Variants in KCNJ6 observed in about 807,000 individuals in gnomAD.
KCNJ6 encodes potassium inwardly rectifying channel subfamily J member 6.
KCNJ6 carries 9 observed loss-of-function variants against 34.2 expected under a neutral mutation model. That is an observed-to-expected ratio of 0.26 (90% confidence interval 0.16 to 0.46). The LOEUF (loss-of-function observed/expected upper bound fraction) is 0.46. Ranked by LOEUF, KCNJ6 falls within the 20% of genes least tolerant of loss-of-function variation. The pLI, the probability that KCNJ6 is intolerant of heterozygous loss-of-function variation, is 1.00. For missense variants in KCNJ6, 236 were observed against 531.3 expected (o/e 0.44, Z 5.46); for synonymous variants, 196 against 207.1 (o/e 0.95, Z 0.46).
intron 1 of KCNJ6, among the ~76,000 whole-genome samples, chr21:37,858,375 A>G (rs1461850523): frequency 1.4e-5 from 2 of 140,766 alleles, no homozygotes; most frequent in Admixed American, 1.5e-4. Context: ...CCTGGGCGAC[A>G]GAGCAAGACT....
chr21:37,795,490 A>G (rs1044785995), intron 2 of KCNJ6, among the ~76,000 whole-genome samples: 1 of 152,170 alleles, frequency 6.6e-6, no homozygotes, highest in Non-Finnish European at 1.5e-5. Flanking sequence ...CATGGCTGCA[A>G]TCCTAACACT....
At chr21:37,683,958 G>A (rs2054601700) in intron 3 of KCNJ6, among the ~76,000 whole-genome samples, 1 of 152,320 alleles carries the variant, frequency 6.6e-6, no homozygotes, top group Admixed American at 6.5e-5. Context: ...ACCACGTTTG[G>A]TGAGCCTGCC....
At chr21:37,749,314 C>T (rs2054982966) in intron 2 of KCNJ6, among the ~76,000 whole-genome samples, 1 of 152,120 alleles carries the variant, frequency 6.6e-6, no homozygotes, top group South Asian at 2.1e-4. Flanking sequence ...AGCAACTGTG[C>T]TTGGGACATA....
rs760713254 is a variant in KCNJ6, at chr21:37,714,346, G to A, written c.811C>T (p.Leu271=). The A allele has an allele frequency of 9.9e-6, 16 of 1,614,166 alleles. No individual in the cohort carries two copies. The South Asian group carries it at 1.6e-4, about 17-fold the overall frequency. The change falls in exon 3 of 4, where the codon CTG becomes TTG. Residue 271 remains leucine, a synonymous_variant. Transcript: ENST00000609713. The surrounding 1 kb of genome is among the most constrained non-coding windows in gnomAD (Gnocchi z 5.9). ...ATGATCAGCGGTGACACCAGAAACA[G>A]ACGGTCATCCCCCGTGTAATACCCT... The part of the protein sequence containing the change: ...NVGYYTGDDR[L]FLVSPLIISH...
At chr21:37,846,353 CTG>C (rs55697215) in intron 1 of KCNJ6, among the ~76,000 whole-genome samples, 6,764 of 144,718 alleles carry the variant, frequency 0.047, 151 homozygotes, top group Non-Finnish European at 0.052. Context: ...CTGAGACACT[CTG>C]TGTGTGTGTG....
intron 2 of KCNJ6, among the ~76,000 whole-genome samples, chr21:37,824,835 C>T (rs569599874): frequency 3.3e-5 from 5 of 151,872 alleles, no homozygotes; most frequent in African/African-American, 1.2e-4. Context: ...TACCCAGTTT[C>T]AGGTAGTATC....
chr21:37,635,649 C>T (rs772794668), intron 3 of KCNJ6, among the ~76,000 whole-genome samples: 11 of 151,784 alleles, frequency 7.2e-5, no homozygotes, highest in Non-Finnish European at 1.0e-4. Flanking sequence ...TCCTGAGTAG[C>T]TGGGATTACA....
chr21:37,850,977 C>G (rs189217783), intron 1 of KCNJ6, among the ~76,000 whole-genome samples: 55 of 152,286 alleles, frequency 3.6e-4, no homozygotes, highest in Non-Finnish European at 6.3e-4. Flanking sequence ...TTGATTCATT[C>G]ATTCATTCAT....
intron 2 of KCNJ6, among the ~76,000 whole-genome samples, chr21:37,813,291 T>C (rs1205057536): frequency 6.6e-6 from 1 of 152,230 alleles, no homozygotes. Context: ...TCCATGTTCA[T>C]GGATTGGAAG....
rs538680503 is a variant in KCNJ6 at position 37,840,572 on chromosome 21, G to A, written c.25+86C>T. Reference sequence around the variant, plus strand: ...AAGAGCAAAAGAGAAGGACAAATCAGATCATCACACGGGATGTCTTTTTTG... The same window carrying A: ...AAGAGCAAAAGAGAAGGACAAATCAAATCATCACACGGGATGTCTTTTTTG... On this transcript the variant is annotated intron_variant, in intron 2 of 3. Coordinates refer to ENST00000609713, the MANE Select transcript of KCNJ6 (RefSeq NM_002240.5). The A allele has an allele frequency of 2.8e-4, 242 of 872,230 alleles. 2 individuals carry two copies. The South Asian group carries it at 3.1e-3, about 11-fold the overall frequency. 54.0% of individuals were successfully genotyped at this position (872,230 alleles called of 1,614,324 possible). A position where few individuals can be genotyped will look rare whatever the true frequency, so the allele number is the denominator to read the frequency against.
At chr21:37,907,352 T>C (rs2055846722) in intron 1 of KCNJ6, among the ~76,000 whole-genome samples, 1 of 151,852 alleles carries the variant, frequency 6.6e-6, no homozygotes, top group South Asian at 2.1e-4. Flanking sequence ...ATTTTTTTTA[T>C]AGAGAAATGA....
intron 3 of KCNJ6, among the ~76,000 whole-genome samples, chr21:37,679,893 C>T (rs2054583207): frequency 6.6e-6 from 1 of 152,208 alleles, no homozygotes; most frequent in African/African-American, 2.4e-5. Context: ...TACCAAACAT[C>T]TTCGTTATTC....
chr21:37,894,792 A>AG (rs1568887849), intron 1 of KCNJ6, among the ~76,000 whole-genome samples: 1 of 152,228 alleles, frequency 6.6e-6, no homozygotes, highest in East Asian at 1.9e-4. Flanking sequence ...AGGCAGTTTT[A>AG]GGGAAAAAAA....
At chr21:37,643,116 A>G (rs1311515811) in intron 3 of KCNJ6, among the ~76,000 whole-genome samples, 1 of 152,186 alleles carries the variant, frequency 6.6e-6, no homozygotes, top group Admixed American at 6.5e-5. Flanking sequence ...GACAACAGGC[A>G]TATAGTTGGG....
At chr21:37,861,190 G>A (rs1456647351) in intron 1 of KCNJ6, among the ~76,000 whole-genome samples, 1 of 152,196 alleles carries the variant, frequency 6.6e-6, no homozygotes, top group South Asian at 2.1e-4. Flanking sequence ...AGTCAACTCA[G>A]CCTACTGTAA....
At chr21:37,843,789 T>C (rs1449876375) in intron 1 of KCNJ6, among the ~76,000 whole-genome samples, 2 of 152,140 alleles carry the variant, frequency 1.3e-5, no homozygotes, top group Non-Finnish European at 2.9e-5. Context: ...GCTGATCTCT[T>C]TCCCTTATCC....
At chr21:37,844,008 T>C (rs912130326) in intron 1 of KCNJ6, among the ~76,000 whole-genome samples, 10 of 152,028 alleles carry the variant, frequency 6.6e-5, no homozygotes, top group African/African-American at 2.4e-4. Flanking sequence ...GCCTGACCTC[T>C]CCATGGAACC....
intron 1 of KCNJ6, among the ~76,000 whole-genome samples, chr21:37,876,644 A>G (rs1275063855): frequency 6.6e-6 from 1 of 152,096 alleles, no homozygotes; most frequent in East Asian, 1.9e-4. Context: ...AAATATATAT[A>G]TAAATTAAAC....
chr21:37,737,403 A>G (rs1427698662), intron 2 of KCNJ6, among the ~76,000 whole-genome samples: 1 of 152,200 alleles, frequency 6.6e-6, no homozygotes, highest in African/African-American at 2.4e-5. Context: ...CTCTTGCAAA[A>G]TTAGCTGCAT....
Sources: allele counts gnomAD v4.1 joint callset (sites outside exome capture counted in the v4.1 genomes callset), GRCh38; gene constraint gnomAD v4.1.1; non-coding constraint Gnocchi (gnomAD v3.1); transcripts MANE v1.5; gene names NCBI Gene and HGNC (gene_info 2026-07-23, HGNC 2026-07-21).